CFAP299: variants seen among roughly 807,000 people sequenced by gnomAD.
The protein encoded by CFAP299 is cilia and flagella associated protein 299, also known as cilia- and flagella-associated protein 299.
A neutral mutation model predicts 27.0 loss-of-function variants in CFAP299; 21 were observed. That is an observed-to-expected ratio of 0.78 (90% CI 0.55 to 1.12). The LOEUF is 1.12. Among genes scored for constraint, CFAP299 ranks in the 50% most tolerant of loss-of-function variants. The probability of loss-of-function intolerance (pLI) is 0.00; values close to 1 mark genes in which losing one functional copy is unlikely to be tolerated. For synonymous variants in CFAP299, 104 were observed against 98.1 expected (o/e 1.06, Z -0.36); for missense variants, 310 against 276.6 (o/e 1.12, Z -0.86).
chr4:80,698,908 C>T (rs1190552528), intron 3 of CFAP299, among the ~76,000 whole-genome samples: 1 of 152,110 alleles, frequency 6.6e-6, no homozygotes, highest in African/African-American at 2.4e-5. Flanking sequence ...GGTCCCCCTT[C>T]AACACATGAG....
intron 4 of CFAP299, among the ~76,000 whole-genome samples, chr4:80,914,373 T>C (rs1222714036): frequency 6.6e-6 from 1 of 152,156 alleles, no homozygotes; most frequent in African/African-American, 2.4e-5. Context: ...TTCTGGTGTG[T>C]GTGTAGTATC....
At chr4:80,800,549 T>TTATATAATATA (rs1728476071) in intron 3 of CFAP299, among the ~76,000 whole-genome samples, 1 of 28,706 alleles carries the variant, frequency 3.5e-5, no homozygotes, top group Admixed American at 6.7e-4. Context: ...ATATAATATA[T>TTATATAATATA]CAATATATTA....
chr4:80,665,920 C>T (rs1741125261), intron 3 of CFAP299, among the ~76,000 whole-genome samples: 1 of 152,062 alleles, frequency 6.6e-6, no homozygotes, highest in East Asian at 1.9e-4. Context: ...CGTGAGATGC[C>T]TGCTCCCTCT....
At chr4:80,771,502 A>T (rs530612924) in intron 3 of CFAP299, among the ~76,000 whole-genome samples, 1 of 3,558 alleles carries the variant, frequency 2.8e-4, no homozygotes, top group South Asian at 0.12. Flanking sequence ...CTAGTTATGC[A>T]TATTACTTCT....
intron 3 of CFAP299, among the ~76,000 whole-genome samples, chr4:80,853,759 A>T (rs1347510321): frequency 6.6e-6 from 1 of 152,184 alleles, no homozygotes; most frequent in Admixed American, 6.6e-5. Context: ...AAAAGTAGGC[A>T]TCAAGAAGAA....
At chr4:80,349,451 TGA>T (rs1328796228) in intron 1 of CFAP299, among the ~76,000 whole-genome samples, 2 of 152,186 alleles carry the variant, frequency 1.3e-5, no homozygotes, top group Non-Finnish European at 2.9e-5. Flanking sequence ...AAATAAAGGA[TGA>T]GAGTTTCTCA....
At chr4:80,852,448 C>A (rs1731580380) in intron 3 of CFAP299, among the ~76,000 whole-genome samples, 1 of 151,906 alleles carries the variant, frequency 6.6e-6, no homozygotes, top group South Asian at 2.1e-4. Context: ...AAGAGAGAGA[C>A]AGAGGGAGAG....
intron 3 of CFAP299, among the ~76,000 whole-genome samples, chr4:80,616,071 T>C (rs1228182449): frequency 6.6e-6 from 1 of 152,200 alleles, no homozygotes; most frequent in East Asian, 1.9e-4. Flanking sequence ...TGTCTGAGCA[T>C]TAACTTCACC....
chr4:80,892,191 G>A (rs946490105), intron 4 of CFAP299, among the ~76,000 whole-genome samples: 15 of 151,862 alleles, frequency 9.9e-5, no homozygotes, highest in East Asian at 5.8e-4. Context: ...TAGAGAACCC[G>A]GAGACAAATC....
chr4:80,338,760 G>A (rs180733019), intron 1 of CFAP299, among the ~76,000 whole-genome samples: 45 of 152,252 alleles, frequency 3.0e-4, no homozygotes, highest in Admixed American at 1.8e-3. Flanking sequence ...AGTATATAAT[G>A]CTTACAGTCC....
rs564314657 is a variant in CFAP299 at position 80,532,327 on chromosome 4, G to T, written c.243-50766G>T. Among the ~76,000 whole-genome samples, 4 of 152,204 alleles carry T rather than the reference G, an allele frequency of 2.6e-5. No individual in the cohort carries two copies. The East Asian group carries it at 7.7e-4, about 29-fold the overall frequency. On this transcript the variant is annotated intron_variant, in intron 2 of 5. Transcript: ENST00000358105. The stretch of plus-strand genomic sequence containing the variant: ...CATTTTTCTAGGTTCTTTACTAAAT[G>T]TTGGGAAAAAAACTGTCAGAAGGGA...
chr4:80,841,441 A>G (rs575423939), intron 3 of CFAP299, among the ~76,000 whole-genome samples: 1 of 152,254 alleles, frequency 6.6e-6, no homozygotes, highest in Admixed American at 6.6e-5. Context: ...ATAATCCCTG[A>G]CTATATTGTT....
chr4:80,722,310 G>A (rs1181708100), intron 3 of CFAP299, among the ~76,000 whole-genome samples: 8 of 151,842 alleles, frequency 5.3e-5, no homozygotes, highest in Non-Finnish European at 1.0e-4. Context: ...CCAGCTACTC[G>A]GAAGGCTGAG....
At chr4:80,663,126 AT>A (rs1265706849) in intron 3 of CFAP299, among the ~76,000 whole-genome samples, 10 of 151,848 alleles carry the variant, frequency 6.6e-5, no homozygotes, top group Non-Finnish European at 1.5e-4. Context: ...CATTTTTAAA[AT>A]TTTTTTATTA....
At chr4:80,341,260 T>C (rs1282386146) in intron 1 of CFAP299, among the ~76,000 whole-genome samples, 1 of 152,194 alleles carries the variant, frequency 6.6e-6, no homozygotes, top group Non-Finnish European at 1.5e-5. Flanking sequence ...CCTTTCTAGC[T>C]TGCTGGCTCT....
At chr4:80,335,214 T>G (rs1465410942), upstream of CFAP299, among the ~76,000 whole-genome samples, 1 of 152,196 alleles carries the variant, frequency 6.6e-6, no homozygotes, top group Admixed American at 6.5e-5. Context: ...GCAAAGACAT[T>G]TTTTTGACTG....
chr4:80,457,017 G>A (rs1047875027), intron 2 of CFAP299, among the ~76,000 whole-genome samples: 2 of 149,844 alleles, frequency 1.3e-5, no homozygotes, highest in Non-Finnish European at 3.0e-5. Flanking sequence ...GTTTTTGTCT[G>A]CAAATAGGTA....
At chr4:80,674,974 C>T (rs552469352) in intron 3 of CFAP299, among the ~76,000 whole-genome samples, 1 of 152,252 alleles carries the variant, frequency 6.6e-6, no homozygotes, top group African/African-American at 2.4e-5. Context: ...GAACATCCTC[C>T]TTTAGCTTGG....
intron 3 of CFAP299, among the ~76,000 whole-genome samples, chr4:80,846,251 A>T (rs1355527097): frequency 6.6e-6 from 1 of 152,174 alleles, no homozygotes; most frequent in Non-Finnish European, 1.5e-5. Context: ...CTCCAATGAG[A>T]TGAGTTTCAA....
Sources: gnomAD v4.1 joint callset for allele counts (sites outside exome capture counted in the v4.1 genomes callset) on GRCh38, gnomAD v4.1.1 for gene constraint, MANE v1.5 for transcripts, NCBI Gene and HGNC (gene_info 2026-07-23, HGNC 2026-07-21) for gene names.